Variants in SNED1 observed in about 807,000 individuals in gnomAD.
SNED1 encodes the protein sushi, nidogen and EGF-like domain-containing protein 1.
A neutral mutation model predicts 166.7 loss-of-function variants in SNED1; 81 were observed. The ratio of observed to expected loss-of-function variants is 0.49; its 90% CI spans 0.41 to 0.58. The LOEUF is 0.58. SNED1 is among the 20% of genes least tolerant of loss of function. The probability of loss-of-function intolerance (pLI) is 0.00; values close to 1 mark genes in which losing one functional copy is unlikely to be tolerated. For synonymous variants in SNED1, 762 were observed against 822.0 expected, an observed-to-expected ratio of 0.93 and a Z score of 1.25; for missense variants, 1,604 against 2,000.2, an observed-to-expected ratio of 0.80 and a Z score of 3.78.
intron 5 of SNED1, 98 bp from the exon 6 acceptor site, chr2:241,037,142 G>T: frequency 8.7e-7 from 1 of 1,144,014 alleles, no homozygotes; most frequent in Non-Finnish European, 1.3e-6. Flanking sequence ...CCAATCTCGG[G>T]CTTGCTCCTC....
intron 1 of SNED1, among the ~76,000 whole-genome samples, chr2:241,017,753 A>G (rs1559224470): frequency 6.6e-6 from 1 of 152,210 alleles, no homozygotes; most frequent in South Asian, 2.1e-4. Context: ...CGGGACCTCA[A>G]CCATGACCCT....
Position 241,095,265 on chromosome 2 carries a change from A to G in SNED1, c.*3629A>G, listed in dbSNP as rs1456643681. On this transcript the variant is annotated 3_prime_UTR_variant, in exon 32 of 32. Coordinates refer to ENST00000310397, the MANE Select transcript of SNED1 (RefSeq NM_001080437.3). Reference sequence around the variant, plus strand: ...CTCCAGGCCAGCACAGTCTGGCACTACAGACTACAGGGCCGGAGACACCAG... The same window carrying G: ...CTCCAGGCCAGCACAGTCTGGCACTGCAGACTACAGGGCCGGAGACACCAG... The G allele has an allele frequency of 6.5e-6, 1 of 152,730 alleles. No homozygotes were observed. Among genetic ancestry groups the G allele is most frequent in the Non-Finnish European group, 1.5e-5 (1 of 68,436 alleles). 9.5% of individuals were successfully genotyped at this position (152,730 alleles called of 1,614,324 possible).
At chr2:241,078,393 AAAAAAG>A (rs922764201) in intron 27 of SNED1, among the ~76,000 whole-genome samples, 3 of 151,482 alleles carry the variant, frequency 2.0e-5, no homozygotes, top group Non-Finnish European at 2.9e-5. Flanking sequence ...AAAAAAAAAA[AAAAAAG>A]AAAGAAAGAA....
Position 241,050,284 on chromosome 2 carries a change from G to T in SNED1, c.1735+351G>T, listed in dbSNP as rs79673380. ...AATCTAATTCAGCATGGAAAATGTC[G>T]AATTTTATTACATTTAGTCGCTTGA... On this transcript the variant is annotated intron_variant, in intron 12 of 31. Coordinates refer to ENST00000310397, the MANE Select transcript of SNED1 (RefSeq NM_001080437.3). Among the ~76,000 whole-genome samples, 669 of 152,220 alleles carry T rather than the reference G, an allele frequency of 4.4e-3. 4 individuals are homozygous for T. The highest frequency in any genetic ancestry group is 0.016 in the African/African-American group (647 of 41,508).
At chr2:241,085,386 A>G (rs74000363) in intron 29 of SNED1, among the ~76,000 whole-genome samples, 5,341 of 152,282 alleles carry the variant, frequency 0.035, 319 homozygotes, top group African/African-American at 0.12. Flanking sequence ...CTGTTCAACA[A>G]AAGTTTTATT....
chr2:241,037,189 C>T, intron 5 of SNED1, 51 bp from the exon 6 acceptor site: 4 of 1,450,120 alleles, frequency 2.8e-6, no homozygotes, highest in Non-Finnish European at 3.8e-6. Context: ...TTAGAGAAAA[C>T]TCCTCATCCG....
intron 4 of SNED1, among the ~76,000 whole-genome samples, chr2:241,036,130 G>A (rs1327387819): frequency 6.8e-6 from 1 of 148,076 alleles, no homozygotes; most frequent in Non-Finnish European, 1.5e-5. Context: ...GCCACGGGGT[G>A]GGGAGAGCAC....
intron 1 of SNED1, among the ~76,000 whole-genome samples, chr2:241,011,141 T>TTGCAGG (rs2060383884): frequency 1.6e-5 from 1 of 64,340 alleles, no homozygotes; most frequent in Admixed American, 1.8e-4. Flanking sequence ...GGTCTCCTGG[T>TTGCAGG]TCTCCTGGGT....
intron 8 of SNED1, among the ~76,000 whole-genome samples, chr2:241,040,630 T>G (rs1005615077): frequency 6.6e-6 from 1 of 152,204 alleles, no homozygotes; most frequent in Non-Finnish European, 1.5e-5. Context: ...AAGCAAAAGA[T>G]GGATGCTGCC....
At chr2:241,057,358 G>A (rs1418370050) in intron 16 of SNED1, among the ~76,000 whole-genome samples, 12 of 139,454 alleles carry the variant, frequency 8.6e-5, no homozygotes, top group African/African-American at 2.5e-4. Context: ...CAGCCTGGGC[G>A]ACGAGCAAAA....
chr2:241,058,293 G>A (rs2062124566), intron 16 of SNED1, among the ~76,000 whole-genome samples: 1 of 151,842 alleles, frequency 6.6e-6, no homozygotes, highest in South Asian at 2.1e-4. Flanking sequence ...TATATATAAA[G>A]CAAAAATTAA....
chr2:241,034,773 G>T, intron 4 of SNED1, 43 bp downstream of exon 4: 1 of 1,492,668 alleles, frequency 6.7e-7, no homozygotes, highest in Non-Finnish European at 9.0e-7. Flanking sequence ...GCGGGCTGAG[G>T]AAGGGGGTTG....
At chr2:241,061,845 C>A (rs2062240644) in intron 16 of SNED1, among the ~76,000 whole-genome samples, 1 of 150,060 alleles carries the variant, frequency 6.7e-6, no homozygotes, top group Non-Finnish European at 1.5e-5. Flanking sequence ...GAGCGAAACT[C>A]CATCCCCCCA....
intron 1 of SNED1, among the ~76,000 whole-genome samples, chr2:241,029,656 T>A (rs1007789051): frequency 6.6e-6 from 1 of 152,046 alleles, no homozygotes; most frequent in South Asian, 2.1e-4. Context: ...TGGCATGGAG[T>A]GTGGGGCCAG....
chr2:241,047,211 T>A (rs1373136348), intron 8 of SNED1, among the ~76,000 whole-genome samples: 2 of 149,478 alleles, frequency 1.3e-5, no homozygotes, highest in Non-Finnish European at 3.0e-5. Context: ...GCAGTGGCTA[T>A]ATTAATATCG....
intron 1 of SNED1, among the ~76,000 whole-genome samples, chr2:241,009,749 G>C (rs2060329733): frequency 6.6e-6 from 1 of 152,176 alleles, no homozygotes; most frequent in Admixed American, 6.5e-5. Flanking sequence ...CCTGGTGGTA[G>C]CTCTCTTCCC....
intron 16 of SNED1, among the ~76,000 whole-genome samples, chr2:241,056,282 T>C (rs4581894): frequency 0.12 from 17,511 of 152,174 alleles, 1,729 homozygotes; most frequent in East Asian, 0.34. Flanking sequence ...ATTGTTTTAT[T>C]TGTTATTTAT....
rs1270235717 is a variant in SNED1, at chr2:241,018,107, C to T, written c.214-12177C>T. ...ACTCCCTCCCAGGTAACACGCAACC[C>T]GAGTAGCTCTGTCTGAGAACCGCCA... On this transcript the variant is annotated intron_variant, in intron 1 of 31. Transcript: ENST00000310397. The surrounding 1 kb of genome is among the most constrained non-coding windows in gnomAD (Gnocchi z 5.4). 6.6e-6 allele frequency among the ~76,000 whole-genome samples: 1 copy of T among 152,206 alleles called. No homozygotes were observed. Among genetic ancestry groups the T allele is most frequent in the African/African-American group, 2.4e-5 (1 of 41,444 alleles).
chr2:241,069,662 G>A lies in SNED1; in HGVS notation c.3308-258G>A, dbSNP rs1201849168. Among the ~76,000 whole-genome samples, 7 of 152,116 alleles carry A rather than the reference G, an allele frequency of 4.6e-5. No individual in the cohort carries two copies. The highest frequency in any genetic ancestry group is 1.4e-4 in the African/African-American group (6 of 41,382). ...TGCCGCAGGGAGGGCGCCAGCTGACGGGCCAGGGCCTGGGGGCTTCACAGG... is the reference window on the plus strand; with the variant it reads ...TGCCGCAGGGAGGGCGCCAGCTGACAGGCCAGGGCCTGGGGGCTTCACAGG... On this transcript the variant is annotated intron_variant, in intron 23 of 31. Coordinates refer to ENST00000310397, the MANE Select transcript of SNED1 (RefSeq NM_001080437.3). This position sits in a 1 kb window ranked among gnomAD's most constrained non-coding sequence, Gnocchi z 4.9.
Sources: gnomAD v4.1 joint callset for allele counts (sites outside exome capture counted in the v4.1 genomes callset) on GRCh38, gnomAD v4.1.1 for gene constraint, Gnocchi (gnomAD v3.1) non-coding constraint, MANE v1.5 for transcripts, NCBI Gene and HGNC (gene_info 2026-07-23, HGNC 2026-07-21) for gene names.